KCTD8: variants seen among roughly 807,000 people sequenced by gnomAD.
KCTD8 encodes potassium channel tetramerization domain containing 8.
KCTD8 carries 27 observed loss-of-function variants against 31.5 expected under a neutral mutation model. The ratio of observed to expected loss-of-function variants is 0.86; its 90% CI spans 0.63 to 1.18. The LOEUF is 1.18. Ranked by LOEUF, KCTD8 falls within the 50% of genes most tolerant of loss-of-function variation. The pLI, the probability that KCTD8 is intolerant of heterozygous loss-of-function variation, is 0.00. For synonymous variants in KCTD8, 290 were observed against 280.0 expected, an observed-to-expected ratio of 1.04 and a Z score of -0.36; for missense variants, 658 against 647.7, an observed-to-expected ratio of 1.02 and a Z score of -0.17.
At chr4:44,244,939 G>A (rs1290696375) in intron 1 of KCTD8, among the ~76,000 whole-genome samples, 1 of 151,666 alleles carries the variant, frequency 6.6e-6, no homozygotes, top group Non-Finnish European at 1.5e-5. Context: ...ACATTTGAGT[G>A]TTGGCTGAAG....
intron 1 of KCTD8, among the ~76,000 whole-genome samples, chr4:44,238,262 A>T (rs1715348994): frequency 6.6e-6 from 1 of 152,022 alleles, no homozygotes; most frequent in Non-Finnish European, 1.5e-5. Context: ...CCCTAAGGGA[A>T]GCTGCCTTGG....
At chr4:44,446,641 G>T (rs1347178536) in intron 1 of KCTD8, among the ~76,000 whole-genome samples, 1 of 152,148 alleles carries the variant, frequency 6.6e-6, no homozygotes. Flanking sequence ...CACCCCAGAT[G>T]CTTTCCCAAA....
At chr4:44,208,865 C>T (rs1036121184) in intron 1 of KCTD8, among the ~76,000 whole-genome samples, 6 of 152,072 alleles carry the variant, frequency 3.9e-5, no homozygotes, top group Admixed American at 2.6e-4. Flanking sequence ...GACTTGGTAA[C>T]CGGTATCCAG....
chr4:44,236,910 G>C (rs1715307048), intron 1 of KCTD8, among the ~76,000 whole-genome samples: 1 of 152,138 alleles, frequency 6.6e-6, no homozygotes, highest in African/African-American at 2.4e-5. Flanking sequence ...TTTATAAGGG[G>C]TTTCCCCTTT....
chr4:44,436,946 C>T (rs1369246201), intron 1 of KCTD8, among the ~76,000 whole-genome samples: 1 of 152,032 alleles, frequency 6.6e-6, no homozygotes, highest in African/African-American at 2.4e-5. Context: ...ATGAATAATT[C>T]ACAGAGGCCA....
At chr4:44,341,488 A>ATTGCT (rs2109418774) in intron 1 of KCTD8, among the ~76,000 whole-genome samples, 1 of 152,340 alleles carries the variant, frequency 6.6e-6, no homozygotes, top group South Asian at 2.1e-4. Context: ...AAACCCTGCT[A>ATTGCT]TTGCTTTGTC....
intron 1 of KCTD8, among the ~76,000 whole-genome samples, chr4:44,269,496 T>C (rs2109371165): frequency 6.6e-6 from 1 of 151,434 alleles, no homozygotes; most frequent in South Asian, 2.1e-4. Flanking sequence ...ACTTCATGTC[T>C]AAAACACCAA....
intron 1 of KCTD8, among the ~76,000 whole-genome samples, chr4:44,391,034 G>A (rs961549087): frequency 1.3e-5 from 2 of 151,918 alleles, no homozygotes; most frequent in Non-Finnish European, 1.5e-5. Flanking sequence ...GCAGCAACCT[G>A]GCTGGAACTA....
intron 1 of KCTD8, among the ~76,000 whole-genome samples, chr4:44,344,218 TCTGTCGCCC>T (rs1009461331): frequency 6.6e-6 from 1 of 151,974 alleles, no homozygotes; most frequent in African/African-American, 2.4e-5. Context: ...AAGGTCTCAC[TCTGTCGCCC>T]AGGCTGCAGT....
chr4:44,378,673 C>G (rs1314859250), intron 1 of KCTD8, among the ~76,000 whole-genome samples: 2 of 152,026 alleles, frequency 1.3e-5, no homozygotes, highest in African/African-American at 4.8e-5. Context: ...TATTTCACAT[C>G]TGAGTTATAT....
At chr4:44,373,612 AGTTG>A (rs1275610726) in intron 1 of KCTD8, among the ~76,000 whole-genome samples, 2 of 152,096 alleles carry the variant, frequency 1.3e-5, no homozygotes, top group African/African-American at 4.8e-5. Flanking sequence ...ATACAAGTTT[AGTTG>A]TTTTTAATTA....
At chr4:44,349,903 C>T (rs1719154197) in intron 1 of KCTD8, among the ~76,000 whole-genome samples, 1 of 152,018 alleles carries the variant, frequency 6.6e-6, no homozygotes, top group South Asian at 2.1e-4. Flanking sequence ...CCAAATAATT[C>T]TTTCTGGGTT....
At chr4:44,200,086 G>T (rs534874389) in intron 1 of KCTD8, among the ~76,000 whole-genome samples, 41 of 151,670 alleles carry the variant, frequency 2.7e-4, no homozygotes, top group Non-Finnish European at 5.5e-4. Flanking sequence ...AAATATACAA[G>T]CTCCCAAGAT....
chr4:44,379,361 C>A (rs181910046), intron 1 of KCTD8, among the ~76,000 whole-genome samples: 241 of 152,184 alleles, frequency 1.6e-3, no homozygotes, highest in African/African-American at 5.5e-3. Context: ...CTGTCCCTAA[C>A]CTTGTGAAGT....
chr4:44,315,084 C>CA (rs1321024966), intron 1 of KCTD8, among the ~76,000 whole-genome samples: 1 of 151,820 alleles, frequency 6.6e-6, no homozygotes, highest in Non-Finnish European at 1.5e-5. Context: ...TGCAATCCCT[C>CA]ATCTCCCTTT....
intron 1 of KCTD8, among the ~76,000 whole-genome samples, chr4:44,182,707 T>C (rs1713465284): frequency 1.3e-5 from 2 of 152,152 alleles, no homozygotes. Context: ...CACTTGTTTA[T>C]GTGCTGACCT....
chr4:44,330,855 A>G (rs1321264073), intron 1 of KCTD8, among the ~76,000 whole-genome samples: 1 of 151,904 alleles, frequency 6.6e-6, no homozygotes, highest in Non-Finnish European at 1.5e-5. Flanking sequence ...GGATGATTCA[A>G]TGCTTCAATT....
In KCTD8 at chr4:44,439,263, T is replaced by C. The variant is rs141815337; in HGVS notation, c.961+8300A>G. Among the ~76,000 whole-genome samples the C allele has an allele frequency of 5.2e-3, 791 of 152,286 alleles. 4 individuals carry two copies. Among genetic ancestry groups the C allele is most frequent in the African/African-American group, 0.018 (752 of 41,566 alleles). ...CAACCAAAATAACAAAACTGAGTGG[T>C]TAAATCATTCACTATTCTGGTGATA... On this transcript the variant is annotated intron_variant, in intron 1 of 1. Transcript: ENST00000360029.
At chr4:44,350,298 C>A (rs553805277) in intron 1 of KCTD8, among the ~76,000 whole-genome samples, 3 of 152,260 alleles carry the variant, frequency 2.0e-5, no homozygotes, top group Non-Finnish European at 4.4e-5. Context: ...TGAAGCCTTA[C>A]AGTCTAACCC....
Sources: gnomAD v4.1 joint callset for allele counts (sites outside exome capture counted in the v4.1 genomes callset) on GRCh38, gnomAD v4.1.1 for gene constraint, MANE v1.5 for transcripts, NCBI Gene and HGNC (gene_info 2026-07-23, HGNC 2026-07-21) for gene names.